Variants in CCDC102B observed in about 807,000 individuals in gnomAD.
CCDC102B encodes coiled-coil domain-containing protein 102B.
A neutral mutation model predicts 57.4 loss-of-function variants in CCDC102B; 75 were observed. The ratio of observed to expected loss-of-function variants is 1.31; its 90% CI spans 1.08 to 1.58. The LOEUF (loss-of-function observed/expected upper bound fraction) is 1.58, where lower values mean the gene tolerates loss of function less well. Among genes scored for constraint, CCDC102B ranks in the 40% most tolerant of loss-of-function variants. The pLI is 0.00. For missense variants in CCDC102B, 636 were observed against 582.6 expected, an observed-to-expected ratio of 1.09 and a Z score of -0.94; for synonymous variants, 206 against 201.9, an observed-to-expected ratio of 1.02 and a Z score of -0.17.
rs776792417 is a variant in CCDC102B at position 68,836,847 on chromosome 18, C to T, written c.84C>T (p.Asp28=). The change falls in exon 2 of 8, where the codon GAC becomes GAT. Residue 28 remains aspartate, a synonymous_variant. Coordinates refer to ENST00000360242, the MANE Select transcript of CCDC102B (RefSeq NM_024781.3). ...MQQSSIKSRG[D]MVAPASPPRD... ...AATCATCAATTAAGTCACGCGGCGA[C>T]ATGGTGGCACCTGCCTCACCCCCCA... 1.2e-6 allele frequency: 2 copies of T among 1,613,922 alleles called. No homozygotes were observed. The highest frequency in any genetic ancestry group is 2.7e-5 in the African/African-American group (2 of 74,892).
chr18:69,054,884 G>T lies in CCDC102B; in HGVS notation c.*747G>T, dbSNP rs1028138260. 97 of 985,158 alleles carry T rather than the reference G, an allele frequency of 9.8e-5. No homozygotes were observed. The highest frequency in any genetic ancestry group is 1.2e-4 in the Non-Finnish European group (96 of 829,908). 61.0% of individuals were successfully genotyped at this position (985,158 alleles called of 1,614,324 possible). A position where few individuals can be genotyped will look rare whatever the true frequency, so the allele number is the denominator to read the frequency against. On this transcript the variant is annotated 3_prime_UTR_variant, in exon 8 of 8. Coordinates refer to ENST00000360242, the MANE Select transcript of CCDC102B (RefSeq NM_024781.3). Reference sequence around the variant, plus strand: ...GAAATCAGGCCAAAATTAAGCTGTGGTTTCCCTCTGAGTAGTGGGAATAGA... The same window carrying T: ...GAAATCAGGCCAAAATTAAGCTGTGTTTTCCCTCTGAGTAGTGGGAATAGA...
chr18:68,923,187 T>C (rs1352885880), intron 6 of CCDC102B, among the ~76,000 whole-genome samples: 2 of 151,934 alleles, frequency 1.3e-5, no homozygotes, highest in Non-Finnish European at 2.9e-5. Context: ...TTTACCATTC[T>C]GTCCTGTTTT....
intron 2 of CCDC102B, among the ~76,000 whole-genome samples, chr18:68,781,204 G>A (rs978372813): frequency 1.3e-5 from 2 of 152,044 alleles, no homozygotes; most frequent in African/African-American, 4.8e-5. Context: ...GTGAGTGGTA[G>A]TCTTCTTTGT....
At chr18:68,893,551 T>C (rs1372768247) in intron 5 of CCDC102B, among the ~76,000 whole-genome samples, 1 of 152,268 alleles carries the variant, frequency 6.6e-6, no homozygotes, top group Middle Eastern at 3.4e-3. Context: ...TCCTGGAGAC[T>C]GTCATTATCT....
intron 3 of CCDC102B, among the ~76,000 whole-genome samples, chr18:68,839,702 T>C (rs2037542119): frequency 6.6e-6 from 1 of 152,176 alleles, no homozygotes; most frequent in African/African-American, 2.4e-5. Flanking sequence ...GGTTTTCATC[T>C]ATGCCTCAGT....
intron 5 of CCDC102B, among the ~76,000 whole-genome samples, chr18:68,886,569 A>G (rs1326698533): frequency 6.6e-6 from 1 of 151,998 alleles, no homozygotes; most frequent in Admixed American, 6.6e-5. Flanking sequence ...TATATTGTGA[A>G]GATAATCATT....
intron 6 of CCDC102B, among the ~76,000 whole-genome samples, chr18:68,932,523 T>C (rs2041710528): frequency 6.6e-6 from 1 of 151,876 alleles, no homozygotes; most frequent in Non-Finnish European, 1.5e-5. Context: ...CCTTGGTGTA[T>C]ACAATTATTT....
At chr18:68,957,668 C>T (rs777593449) in intron 6 of CCDC102B, among the ~76,000 whole-genome samples, 1 of 146,798 alleles carries the variant, frequency 6.8e-6, no homozygotes, top group Non-Finnish European at 1.5e-5. Context: ...ATTAGTATTT[C>T]AATAGAGATT....
chr18:68,911,630 T>TA (rs1231207072), intron 6 of CCDC102B, among the ~76,000 whole-genome samples: 5 of 148,844 alleles, frequency 3.4e-5, no homozygotes, highest in African/African-American at 1.3e-4. Flanking sequence ...CGGGCGCCTG[T>TA]AGTCCCAGCT....
chr18:68,999,331 T>C (rs963919913), intron 6 of CCDC102B, among the ~76,000 whole-genome samples: 2 of 151,854 alleles, frequency 1.3e-5, no homozygotes, highest in African/African-American at 4.8e-5. Flanking sequence ...GCACATTGGC[T>C]CACACCTATA....
intron 4 of CCDC102B, among the ~76,000 whole-genome samples, chr18:68,871,252 T>C (rs1218974814): frequency 1.3e-5 from 2 of 152,166 alleles, no homozygotes; most frequent in African/African-American, 2.4e-5. Context: ...ACTTGGAAAA[T>C]GCTTTGTAAT....
chr18:68,909,074 A>T (rs1011804866), intron 6 of CCDC102B, among the ~76,000 whole-genome samples: 1 of 148,508 alleles, frequency 6.7e-6, no homozygotes, highest in Non-Finnish European at 1.5e-5. Context: ...GATTCCAAAG[A>T]CATAGTTTGG....
chr18:68,941,869 A>C (rs951036558), intron 6 of CCDC102B, among the ~76,000 whole-genome samples: 4 of 152,076 alleles, frequency 2.6e-5, no homozygotes, highest in African/African-American at 7.2e-5. Context: ...TATTTCCTTT[A>C]TGTAATGTGT....
chr18:68,936,812 CACACATAT>C (rs1304617586), intron 6 of CCDC102B, among the ~76,000 whole-genome samples: 1 of 150,306 alleles, frequency 6.7e-6, no homozygotes. Context: ...TACATATATA[CACACATAT>C]ACACATATAC....
At chr18:68,904,827 A>G (rs934398192) in intron 6 of CCDC102B, among the ~76,000 whole-genome samples, 13 of 152,176 alleles carry the variant, frequency 8.5e-5, no homozygotes, top group Non-Finnish European at 1.8e-4. Flanking sequence ...CGTTATTACT[A>G]AGAATAAATT....
At chr18:68,815,172 A>G (rs2036425301) in intron 1 of CCDC102B, among the ~76,000 whole-genome samples, 1 of 152,162 alleles carries the variant, frequency 6.6e-6, no homozygotes. Context: ...CTTTGATCAC[A>G]GTTCTAAAGT....
At chr18:68,844,337 A>G (rs1230835601) in intron 3 of CCDC102B, among the ~76,000 whole-genome samples, 1 of 150,988 alleles carries the variant, frequency 6.6e-6, no homozygotes, top group African/African-American at 2.4e-5. Context: ...AAGGAGGAAC[A>G]TAAATATATG....
At chr18:68,767,922 G>A (rs966303660) in intron 2 of CCDC102B, among the ~76,000 whole-genome samples, 3 of 151,942 alleles carry the variant, frequency 2.0e-5, no homozygotes, top group African/African-American at 7.2e-5. Flanking sequence ...TGGATTTCCA[G>A]TCATTATGAT....
At chr18:68,810,536 T>C (rs926113169) in intron 1 of CCDC102B, among the ~76,000 whole-genome samples, 2 of 152,160 alleles carry the variant, frequency 1.3e-5, no homozygotes, top group African/African-American at 4.8e-5. Flanking sequence ...GCATATCTTA[T>C]TCTCCATCAC....
Sources: allele counts gnomAD v4.1 joint callset (sites outside exome capture counted in the v4.1 genomes callset), GRCh38; gene constraint gnomAD v4.1.1; transcripts MANE v1.5; gene names NCBI Gene and HGNC (gene_info 2026-07-23, HGNC 2026-07-21).